The following SGK1 variants were observed in gnomAD, a reference collection of about 807,000 sequenced individuals.
SGK1 encodes the protein serum/glucocorticoid regulated kinase 1.
Under a neutral mutation model 64.2 loss-of-function variants are expected in SGK1, and 26 were observed. That is an observed-to-expected ratio of 0.40 (90% CI 0.30 to 0.56). The LOEUF is 0.56. Ranked by LOEUF, SGK1 falls within the 20% of genes least tolerant of loss-of-function variation. The pLI is 0.38. For missense variants in SGK1, 519 were observed against 645.6 expected, an observed-to-expected ratio of 0.80 and a Z score of 2.12; for synonymous variants, 265 against 239.7, an observed-to-expected ratio of 1.11 and a Z score of -0.98.
At chr6:134,300,587 A>G (rs1427179470) in intron 1 of SGK1, among the ~76,000 whole-genome samples, 1 of 149,222 alleles carries the variant, frequency 6.7e-6, no homozygotes, top group African/African-American at 2.5e-5. Flanking sequence ...GCACCAAGGG[A>G]TAGGCCCTGG....
intron 2 of SGK1, among the ~76,000 whole-genome samples, chr6:134,227,779 G>T (rs144022530): frequency 6.6e-6 from 1 of 151,974 alleles, no homozygotes; most frequent in Non-Finnish European, 1.5e-5. Flanking sequence ...CTCCAAATAC[G>T]CACGTACTAA....
At chr6:134,198,772 CA>C (rs1775635246) in intron 3 of SGK1, among the ~76,000 whole-genome samples, 1 of 126,052 alleles carries the variant, frequency 7.9e-6, no homozygotes, top group East Asian at 2.2e-4. Flanking sequence ...CTCCTGGCCT[CA>C]AGTGATCCTC....
intron 2 of SGK1, among the ~76,000 whole-genome samples, chr6:134,226,553 G>A (rs972029288): frequency 2.6e-5 from 4 of 152,028 alleles, no homozygotes; most frequent in Middle Eastern, 3.4e-3. Flanking sequence ...AGTTAGCTAG[G>A]TGTGGTGGTA....
At chr6:134,231,306 C>T (rs899837418) in intron 2 of SGK1, among the ~76,000 whole-genome samples, 2 of 151,760 alleles carry the variant, frequency 1.3e-5, no homozygotes, top group Non-Finnish European at 3.0e-5. Flanking sequence ...GCTTTGTCCA[C>T]ATATATTAAA....
intron 3 of SGK1, among the ~76,000 whole-genome samples, chr6:134,201,624 A>T (rs1326572450): frequency 1.3e-5 from 2 of 151,378 alleles, no homozygotes; most frequent in East Asian, 3.9e-4. Context: ...AGCCTCCCAA[A>T]GTGCTGGGAT....
chr6:134,238,784 T>C (rs1186506103), intron 2 of SGK1, among the ~76,000 whole-genome samples: 1 of 152,126 alleles, frequency 6.6e-6, no homozygotes, highest in Non-Finnish European at 1.5e-5. Context: ...TAACAGAAAA[T>C]GAGTTACTCT....
At position 134,317,470 on chromosome 6, in the gene SGK1, T is replaced by C; in HGVS notation, c.-10A>G. On this transcript the variant is annotated 5_prime_UTR_variant, in exon 1 of 14. Coordinates refer to ENST00000367858, the MANE Select transcript of SGK1 (RefSeq NM_001143676.3). ...TGTCTTTGTTTACCATTTTCCACCG[T>C]GGGGAATTCACAGTTATAGATCCAG... is the stretch of plus-strand genomic sequence containing the variant. 1.3e-6 allele frequency: 2 copies of C among 1,593,092 alleles called. No individual in the cohort carries two copies. Among genetic ancestry groups the C allele is most frequent in the South Asian group, 1.1e-5 (1 of 90,650 alleles).
At chr6:134,241,042 TTTTTTC>T (rs1203235936) in intron 2 of SGK1, among the ~76,000 whole-genome samples, 9 of 27,592 alleles carry the variant, frequency 3.3e-4, no homozygotes, top group African/African-American at 5.1e-4. Context: ...TTTCTTTTCT[TTTTTTC>T]TTTTTTTTTT....
chr6:134,174,881 T>A (rs1006887819), intron 3 of SGK1: 4 of 1,603,868 alleles, frequency 2.5e-6, no homozygotes, highest in Non-Finnish European at 3.4e-6. Context: ...GGCCGCGCGC[T>A]CGGCCTTATA....
At chr6:134,265,607 T>TTTATATATATACATATATATATATAC (rs1776841592) in intron 1 of SGK1, among the ~76,000 whole-genome samples, 1 of 140,726 alleles carries the variant, frequency 7.1e-6, no homozygotes, top group Non-Finnish European at 1.5e-5. Flanking sequence ...ACATATATAT[T>TTTATATATATACATATATATATATAC]TTATATATAT....
At chr6:134,276,927 G>C (rs935729052) in intron 1 of SGK1, among the ~76,000 whole-genome samples, 3 of 152,136 alleles carry the variant, frequency 2.0e-5, no homozygotes, top group African/African-American at 7.2e-5. Flanking sequence ...GTGTGTGCCT[G>C]TAATCCCAGC....
At chr6:134,315,307 G>A (rs1038614641) in intron 1 of SGK1, among the ~76,000 whole-genome samples, 4 of 152,182 alleles carry the variant, frequency 2.6e-5, no homozygotes, top group Admixed American at 6.5e-5. Flanking sequence ...GGAGAGCGCA[G>A]GGGCAGGAGA....
intron 2 of SGK1, among the ~76,000 whole-genome samples, chr6:134,231,463 G>C (rs932102247): frequency 2.6e-4 from 39 of 152,092 alleles, no homozygotes; most frequent in African/African-American, 9.4e-4. Flanking sequence ...TGCTGGCAAG[G>C]GTTCGGTAAT....
intron 1 of SGK1, among the ~76,000 whole-genome samples, chr6:134,265,554 TATATATATAC>T (rs1385426316): frequency 6.8e-6 from 1 of 146,886 alleles, no homozygotes; most frequent in Admixed American, 6.9e-5. Context: ...ATATATATTT[TATATATATAC>T]ATATATATTT....
At chr6:134,300,989 G>A (rs1041047472) in intron 1 of SGK1, among the ~76,000 whole-genome samples, 29 of 152,088 alleles carry the variant, frequency 1.9e-4, no homozygotes, top group African/African-American at 7.0e-4. Flanking sequence ...TTGCACTGAC[G>A]TTGGGAGAAA....
intron 3 of SGK1, among the ~76,000 whole-genome samples, chr6:134,199,555 T>A (rs1775648812): frequency 1.7e-5 from 1 of 58,184 alleles, no homozygotes; most frequent in African/African-American, 5.1e-5. Context: ...CAAGACTCTC[T>A]CTCAAAAAAA....
At chr6:134,298,523 G>C in intron 1 of SGK1, 1 of 801,330 alleles carries the variant, frequency 1.2e-6, no homozygotes, top group Non-Finnish European at 2.2e-6. Flanking sequence ...CTCCCATGCC[G>C]CTGGCCCCAC....
chr6:134,192,017 G>A (rs764188772), intron 3 of SGK1, among the ~76,000 whole-genome samples: 3 of 151,738 alleles, frequency 2.0e-5, no homozygotes, highest in Non-Finnish European at 2.9e-5. Context: ...TTTTAGTAGA[G>A]ACGGGGTTTC....
intron 3 of SGK1, among the ~76,000 whole-genome samples, chr6:134,184,964 C>T (rs1358038825): frequency 2.6e-5 from 4 of 152,206 alleles, no homozygotes; most frequent in Non-Finnish European, 5.9e-5. Flanking sequence ...GGATTATAGG[C>T]ATAAGCCACC....
Sources: gnomAD v4.1 joint callset for allele counts (sites outside exome capture counted in the v4.1 genomes callset) on GRCh38, gnomAD v4.1.1 for gene constraint, MANE v1.5 for transcripts, NCBI Gene and HGNC (gene_info 2026-07-23, HGNC 2026-07-21) for gene names.